COLGALT2: variants seen among roughly 807,000 people sequenced by gnomAD.
COLGALT2 encodes the protein collagen beta(1-O)galactosyltransferase 2.
COLGALT2 carries 49 observed loss-of-function variants against 73.4 expected under a neutral mutation model. The observed-to-expected ratio is 0.67, with a 90% CI of 0.53 to 0.85. COLGALT2 has a LOEUF of 0.85. COLGALT2 is among the 40% of genes least tolerant of loss of function. The probability of loss-of-function intolerance (pLI) is 0.00; values close to 1 mark genes in which losing one functional copy is unlikely to be tolerated. For synonymous variants in COLGALT2, 295 were observed against 307.6 expected (o/e 0.96, Z 0.43); for missense variants, 722 against 790.2 (o/e 0.91, Z 1.03).
At chr1:183,988,075 T>C (rs1156350461) in intron 1 of COLGALT2, among the ~76,000 whole-genome samples, 2 of 152,206 alleles carry the variant, frequency 1.3e-5, no homozygotes, top group Non-Finnish European at 2.9e-5. Context: ...ATTTCAAATA[T>C]GGCTGGGAGG....
intron 4 of COLGALT2, among the ~76,000 whole-genome samples, chr1:183,972,067 G>A (rs893716043): frequency 9.9e-5 from 15 of 152,082 alleles, no homozygotes; most frequent in South Asian, 2.1e-4. Context: ...AATATAAAGG[G>A]GAGACTCAAA....
At chr1:183,984,645 C>T (rs569864506) in intron 1 of COLGALT2, among the ~76,000 whole-genome samples, 1 of 152,278 alleles carries the variant, frequency 6.6e-6, no homozygotes, top group South Asian at 2.1e-4. Flanking sequence ...TTCTTTGGAG[C>T]TAGTACCTGA....
chr1:183,953,629 A>G (rs1008300089), intron 7 of COLGALT2, among the ~76,000 whole-genome samples: 2 of 152,166 alleles, frequency 1.3e-5, no homozygotes, highest in African/African-American at 4.8e-5. Flanking sequence ...AACCTTCTCT[A>G]TAGCCCTGAT....
Position 183,938,494 on chromosome 1 carries a change from A to C in COLGALT2, c.*267T>G. On this transcript the variant is annotated 3_prime_UTR_variant, in exon 12 of 12. Coordinates refer to ENST00000361927, the MANE Select transcript of COLGALT2 (RefSeq NM_015101.4). ...CAGTATCACATGAGTAGTGAACTGA[A>C]GAATTAGGTGTCTGGATTACAGTTT... 1 of 1,317,854 alleles carries C rather than the reference A, an allele frequency of 7.6e-7. No individual in the cohort carries two copies. The highest frequency in any genetic ancestry group is 1.7e-5 in the South Asian group (1 of 58,078). The allele number at this position is 1,317,854 out of a possible 1,614,324, so 81.6% of individuals were successfully genotyped here.
intron 1 of COLGALT2, 106 bp from the exon 2 acceptor site, chr1:183,978,626 A>AG (rs1187173555): frequency 1.7e-6 from 1 of 604,564 alleles, no homozygotes; most frequent in Non-Finnish European, 2.8e-6. Flanking sequence ...ACTCCTGGAA[A>AG]AAAAATTGTA....
Position 183,936,970 on chromosome 1 carries a change from C to CT in COLGALT2, c.*1790dup. 1.6e-6 allele frequency: 2 copies of CT among 1,231,764 alleles called. No homozygotes were observed. The highest frequency in any genetic ancestry group is 2.0e-6 in the Non-Finnish European group (2 of 987,984). The allele number at this position is 1,231,764 out of a possible 1,614,324, so 76.3% of individuals were successfully genotyped here. Reference sequence around the variant, plus strand: ...ACCTGGGGAGATGAGGCTGCCTTGACTACCTATTTGGTGATGAGACAGCTT... The same window carrying CT: ...ACCTGGGGAGATGAGGCTGCCTTGACTTACCTATTTGGTGATGAGACAGCTT... On this transcript the variant is annotated 3_prime_UTR_variant, in exon 12 of 12. Coordinates refer to ENST00000361927, the MANE Select transcript of COLGALT2 (RefSeq NM_015101.4).
chr1:183,957,470 T>C (rs1301530322), intron 6 of COLGALT2, among the ~76,000 whole-genome samples: 1 of 152,216 alleles, frequency 6.6e-6, no homozygotes, highest in Admixed American at 6.5e-5. Flanking sequence ...TAGTACATGA[T>C]AGATTGTACT....
chr1:183,931,537 T>C (rs1438951010), downstream of COLGALT2, among the ~76,000 whole-genome samples: 1 of 152,112 alleles, frequency 6.6e-6, no homozygotes, highest in Non-Finnish European at 1.5e-5. Flanking sequence ...GAGAAACTCC[T>C]AGGAGAGGCA....
At chr1:183,966,414 T>A (rs1670873881) in intron 5 of COLGALT2, among the ~76,000 whole-genome samples, 1 of 152,190 alleles carries the variant, frequency 6.6e-6, no homozygotes, top group Non-Finnish European at 1.5e-5. Flanking sequence ...ATTATCCCTA[T>A]CTTTGGTGAT....
At chr1:183,966,271 C>T (rs2102809770) in intron 5 of COLGALT2, among the ~76,000 whole-genome samples, 1 of 152,340 alleles carries the variant, frequency 6.6e-6, no homozygotes, top group Non-Finnish European at 1.5e-5. Context: ...GTGAATGCTG[C>T]TTCTGGGGAA....
intron 1 of COLGALT2, among the ~76,000 whole-genome samples, chr1:183,981,090 A>C (rs1370155063): frequency 6.6e-6 from 1 of 152,190 alleles, no homozygotes; most frequent in African/African-American, 2.4e-5. Flanking sequence ...GATAAATGAC[A>C]TAGGGAGCCC....
intron 1 of COLGALT2, among the ~76,000 whole-genome samples, chr1:183,979,944 G>A (rs561710287): frequency 6.6e-5 from 10 of 152,048 alleles, no homozygotes; most frequent in African/African-American, 2.4e-4. Context: ...TGACATATAC[G>A]TAGAAGTTGA....
chr1:184,033,910 G>C (rs991450418), intron 1 of COLGALT2, among the ~76,000 whole-genome samples: 30 of 152,188 alleles, frequency 2.0e-4, no homozygotes, highest in African/African-American at 6.3e-4. Context: ...ATTCACTGCG[G>C]TTCTATTTTA....
In COLGALT2 at chr1:183,936,607, C is replaced by T. The variant is rs1669961261; in HGVS notation, c.*2154G>A. 1 of 1,181,482 alleles carries T rather than the reference C, an allele frequency of 8.5e-7. No individual in the cohort carries two copies. The highest frequency in any genetic ancestry group is 4.3e-5 in the South Asian group (1 of 23,000). The allele number at this position is 1,181,482 out of a possible 1,614,324, so 73.2% of individuals were successfully genotyped here. Reference sequence around the variant, plus strand: ...ACCCCAGCACCCCAGCCACCTCCCACCCCATTAAAAAAGTCATTAAAGTCA... The same window carrying T: ...ACCCCAGCACCCCAGCCACCTCCCATCCCATTAAAAAAGTCATTAAAGTCA... On this transcript the variant is annotated 3_prime_UTR_variant, in exon 12 of 12. Transcript: ENST00000361927.
At chr1:183,973,323 C>G (rs948807997) in intron 4 of COLGALT2, among the ~76,000 whole-genome samples, 1 of 151,870 alleles carries the variant, frequency 6.6e-6, no homozygotes, top group Non-Finnish European at 1.5e-5. Flanking sequence ...TTTGTAAGGA[C>G]AAAAAGAATT....
At chr1:183,989,873 C>G (rs1364663093) in intron 1 of COLGALT2, among the ~76,000 whole-genome samples, 1 of 152,108 alleles carries the variant, frequency 6.6e-6, no homozygotes, top group East Asian at 1.9e-4. Context: ...TTTTGAGGAG[C>G]CAACAGCATG....
intron 6 of COLGALT2, among the ~76,000 whole-genome samples, chr1:183,956,370 T>C (rs1200662367): frequency 6.6e-6 from 1 of 152,220 alleles, no homozygotes; most frequent in African/African-American, 2.4e-5. Context: ...GCATATGCAG[T>C]GCATGTCTTT....
At chr1:184,013,208 A>C (rs1572676889) in intron 1 of COLGALT2, among the ~76,000 whole-genome samples, 1 of 152,162 alleles carries the variant, frequency 6.6e-6, no homozygotes, top group Admixed American at 6.5e-5. Context: ...CCAGCTACTC[A>C]GGAGGCTGAC....
chr1:184,029,431 C>T (rs1447001472), intron 1 of COLGALT2, among the ~76,000 whole-genome samples: 1 of 152,174 alleles, frequency 6.6e-6, no homozygotes. Flanking sequence ...AAGCTCACCA[C>T]CCAAATGTCA....
Sources: gnomAD v4.1 joint callset for allele counts (sites outside exome capture counted in the v4.1 genomes callset) on GRCh38, gnomAD v4.1.1 for gene constraint, MANE v1.5 for transcripts, NCBI Gene and HGNC (gene_info 2026-07-23, HGNC 2026-07-21) for gene names.